Variants in BBS7 observed in about 807,000 individuals in gnomAD.
BBS7 encodes the protein BBSome complex member BBS7.
In BBS7, 50 loss-of-function variants were observed where a neutral mutation model predicts 90.3. That is an observed-to-expected ratio of 0.55 (90% confidence interval 0.44 to 0.70). The LOEUF is 0.70. Ranked by LOEUF, BBS7 falls within the 30% of genes least tolerant of loss-of-function variation. The pLI, the probability that BBS7 is intolerant of heterozygous loss-of-function variation, is 0.00. For missense variants in BBS7, 729 were observed against 838.9 expected (o/e 0.87, Z 1.62); for synonymous variants, 235 against 287.4 (o/e 0.82, Z 1.85).
chr4:121,853,029 A>G lies in BBS7; in HGVS notation c.776T>C (p.Val259Ala). The G allele has an allele frequency of 6.2e-7, 1 of 1,613,838 alleles. No homozygotes were observed. The highest frequency in any genetic ancestry group is 8.5e-7 in the Non-Finnish European group (1 of 1,179,806). The change falls in exon 8 of 19, where the codon GTT becomes GCT. Residue 259 changes from valine (V) to alanine (A), a missense_variant. Coordinates refer to ENST00000264499, the MANE Select transcript of BBS7 (RefSeq NM_176824.3). ...IVGDGVKDLLVGRDDGMVEVY... is the reference protein window; with the variant it reads ...IVGDGVKDLLAGRDDGMVEVY... ...TTCCACCATTCCGTCATCTCTCCCA[A>G]CAAGTAAATCTTTAACCCCATCACC...
chr4:121,865,759 G>A (rs1308466864), intron 2 of BBS7, among the ~76,000 whole-genome samples: 2 of 152,022 alleles, frequency 1.3e-5, no homozygotes, highest in African/African-American at 4.8e-5. Flanking sequence ...TCATATGGTC[G>A]CCCTATTTGT....
At chr4:121,841,107 TG>T (rs1370638111) in intron 12 of BBS7, among the ~76,000 whole-genome samples, 1 of 152,204 alleles carries the variant, frequency 6.6e-6, no homozygotes, top group African/African-American at 2.4e-5. Context: ...CCCAAAGTGC[TG>T]GGATTACACG....
At chr4:121,852,890 A>T in intron 8 of BBS7, 66 bp downstream of exon 8, 1 of 1,501,996 alleles carries the variant, frequency 6.7e-7, no homozygotes. Context: ...ATAAAATTCA[A>T]ACCATCTGTC....
At chr4:121,857,316 G>A (rs1316736837) in intron 5 of BBS7, among the ~76,000 whole-genome samples, 3 of 151,802 alleles carry the variant, frequency 2.0e-5, no homozygotes, top group Non-Finnish European at 4.4e-5. Context: ...TGGGGGTCTC[G>A]CTATGTTGCC....
rs751350429 is a variant in BBS7, at chr4:121,868,024, G to C, written c.59C>G (p.Thr20Ser). 4 of 1,613,518 alleles carry C rather than the reference G, an allele frequency of 2.5e-6. No homozygotes were observed. The East Asian group carries it at 8.9e-5, about 36-fold the overall frequency. Residue 20 changes from threonine (T) to serine (S), a missense_variant, in exon 2 of 19, where the codon ACT becomes AGT. Coordinates refer to ENST00000264499, the MANE Select transcript of BBS7 (RefSeq NM_176824.3). ...YLQVGVTSQK[T>S]MKLIPASRHR... ...TCTTGAGGCAGGAATTAGCTTCATA[G>C]TCTTCTGAGATGTTACTCCCACCTA...
chr4:121,863,118 A>T (rs1342155394), intron 3 of BBS7, 99 bp downstream of exon 3: 5 of 1,147,112 alleles, frequency 4.4e-6, no homozygotes, highest in Non-Finnish European at 5.2e-6. Flanking sequence ...CCCATTTTCC[A>T]TTACCTGTAT....
At chr4:121,847,069 C>T (rs1035805169) in intron 10 of BBS7, among the ~76,000 whole-genome samples, 3 of 152,078 alleles carry the variant, frequency 2.0e-5, no homozygotes, top group African/African-American at 4.8e-5. Flanking sequence ...AGAAATAATA[C>T]AGCCATCTGT....
chr4:121,855,885 T>C (rs950667636), intron 5 of BBS7, among the ~76,000 whole-genome samples: 20 of 143,556 alleles, frequency 1.4e-4, no homozygotes, highest in African/African-American at 5.5e-4. Context: ...TGTACATATA[T>C]GTACATACAT....
At chr4:121,837,456 ATAAT>A (rs1177380738) in intron 13 of BBS7, among the ~76,000 whole-genome samples, 1 of 152,206 alleles carries the variant, frequency 6.6e-6, no homozygotes, top group Non-Finnish European at 1.5e-5. Flanking sequence ...GCTTAAGATA[ATAAT>A]TCATTTAATT....
intron 18 of BBS7, 22 bp from the exon 19 acceptor site, chr4:121,826,015 T>C (rs1284783935): frequency 2.8e-5 from 43 of 1,562,352 alleles, no homozygotes; most frequent in Non-Finnish European, 3.8e-5. Context: ...AAACATAAAT[T>C]TCCTGTCAGT....
At chr4:121,866,447 T>C (rs1727277790) in intron 2 of BBS7, among the ~76,000 whole-genome samples, 1 of 152,098 alleles carries the variant, frequency 6.6e-6, no homozygotes. Context: ...GTATTTCTAG[T>C]AGAGATAGGG....
chr4:121,863,397 T>A, intron 2 of BBS7, 118 bp from the exon 3 acceptor site: 1 of 858,246 alleles, frequency 1.2e-6, no homozygotes, highest in South Asian at 2.1e-5. Flanking sequence ...GATCAGAAAA[T>A]CTAGGAAAGA....
chr4:121,869,971 C>T (rs1357331109), intron 1 of BBS7, among the ~76,000 whole-genome samples: 1 of 152,170 alleles, frequency 6.6e-6, no homozygotes, highest in Non-Finnish European at 1.5e-5. Flanking sequence ...GCAGCCACGG[C>T]TAGGGAGGAG....
At chr4:121,846,890 T>C (rs562386386) in intron 10 of BBS7, among the ~76,000 whole-genome samples, 6 of 152,304 alleles carry the variant, frequency 3.9e-5, no homozygotes, top group Admixed American at 3.3e-4. Flanking sequence ...AGCACCTTTA[T>C]TGGAGTTTGA....
rs980086978 is a variant in BBS7, at chr4:121,854,834, A to C, written c.602-14T>G. On this transcript the variant is annotated splice_polypyrimidine_tract_variant and intron_variant, in intron 6 of 18. Coordinates refer to ENST00000264499, the MANE Select transcript of BBS7 (RefSeq NM_176824.3). Reference sequence around the variant, plus strand: ...CTCCAGAGTCACCTACTTATAATTAAAGTCAACATATTATATTTATCCTAC... The same window carrying C: ...CTCCAGAGTCACCTACTTATAATTACAGTCAACATATTATATTTATCCTAC... 6.2e-7 allele frequency: 1 copy of C among 1,604,360 alleles called. No homozygotes were observed. Among genetic ancestry groups the C allele is most frequent in the African/African-American group, 1.3e-5 (1 of 74,744 alleles).
chr4:121,839,610 G>A, intron 13 of BBS7, 21 bp downstream of exon 13: 1 of 1,586,246 alleles, frequency 6.3e-7, no homozygotes, highest in South Asian at 1.1e-5. Flanking sequence ...TTCAAGTAAA[G>A]GTAATTTCTA....
Position 121,861,500 on chromosome 4 carries a change from A to G in BBS7, c.341+4T>C. The G allele has an allele frequency of 6.2e-7, 1 of 1,610,768 alleles. No individual in the cohort carries two copies. The highest frequency in any genetic ancestry group is 8.5e-7 in the Non-Finnish European group (1 of 1,178,696). On this transcript the variant is annotated splice_donor_region_variant and intron_variant, in intron 4 of 18. Transcript: ENST00000264499. Reference sequence around the variant, plus strand: ...AAAAATACAAAAGAGAACAAAAGACATACATAGCTTTAATGCTTTCAGTGA... The same window carrying G: ...AAAAATACAAAAGAGAACAAAAGACGTACATAGCTTTAATGCTTTCAGTGA...
intron 2 of BBS7, 129 bp from the exon 3 acceptor site, chr4:121,863,408 C>T (rs1047574514): frequency 1.4e-6 from 1 of 734,408 alleles, no homozygotes; most frequent in South Asian, 2.4e-5. Flanking sequence ...CTAGGAAAGA[C>T]ACCCCCACAA....
intron 8 of BBS7, among the ~76,000 whole-genome samples, 178 bp downstream of exon 8, chr4:121,852,778 G>A (rs945278381): frequency 6.6e-5 from 10 of 152,072 alleles, no homozygotes; most frequent in Admixed American, 5.2e-4. Context: ...TTAAAGGCAA[G>A]AGTCTATTAT....
Sources: gnomAD v4.1 joint callset for allele counts (sites outside exome capture counted in the v4.1 genomes callset) on GRCh38, gnomAD v4.1.1 for gene constraint, MANE v1.5 for transcripts, NCBI Gene and HGNC (gene_info 2026-07-23, HGNC 2026-07-21) for gene names.